The following TENM3 variants were observed in gnomAD, a reference collection of about 807,000 sequenced individuals.
TENM3 encodes teneurin-3.
A neutral mutation model predicts 255.1 loss-of-function variants in TENM3; 63 were observed. The observed-to-expected ratio is 0.25, with a 90% CI of 0.20 to 0.30. The LOEUF (loss-of-function observed/expected upper bound fraction) is 0.30. Among genes scored for constraint, TENM3 ranks in the 10% least tolerant of loss-of-function variants. The probability of loss-of-function intolerance (pLI) is 1.00; values close to 1 mark genes in which losing one functional copy is unlikely to be tolerated. For synonymous variants in TENM3, 1,306 were observed against 1,322.3 expected (o/e 0.99, Z 0.27); for missense variants, 2,929 against 3,461.1 (o/e 0.85, Z 3.86).
At chr4:182,552,288 GA>G (rs932987551) in intron 3 of TENM3, among the ~76,000 whole-genome samples, 1 of 152,028 alleles carries the variant, frequency 6.6e-6, no homozygotes, top group East Asian at 1.9e-4. Flanking sequence ...CTCTACAAAA[GA>G]AAAAAAGTTA....
intron 3 of TENM3, among the ~76,000 whole-genome samples, chr4:182,384,710 C>T (rs1561390400): frequency 6.6e-6 from 1 of 152,130 alleles, no homozygotes; most frequent in Non-Finnish European, 1.5e-5. Context: ...CTGCAGCCTT[C>T]CCTTGTCTCT....
intron 3 of TENM3, among the ~76,000 whole-genome samples, chr4:182,482,348 A>AT (rs1379282059): frequency 6.6e-6 from 1 of 152,138 alleles, no homozygotes; most frequent in East Asian, 1.9e-4. Flanking sequence ...TATATTGTAG[A>AT]TTTTTTGTAT....
the TENM3 span, among the ~76,000 whole-genome samples, chr4:181,992,388 T>C: frequency 6.6e-6 from 1 of 152,178 alleles, no homozygotes; most frequent in Admixed American, 6.6e-5. Flanking sequence ...CTGATGGAGA[T>C]GAATGAATTT....
At chr4:181,573,440 A>G in the TENM3 span, among the ~76,000 whole-genome samples, 3 of 152,208 alleles carry the variant, frequency 2.0e-5, no homozygotes, top group East Asian at 1.9e-4. Flanking sequence ...AGAAATATGA[A>G]TCTTGATGTT....
chr4:182,500,498 CAT>C (rs1273642849), intron 3 of TENM3, among the ~76,000 whole-genome samples: 1 of 152,136 alleles, frequency 6.6e-6, no homozygotes, highest in African/African-American at 2.4e-5. Context: ...ACATCACTGT[CAT>C]ATGCTTCTGA....
chr4:181,777,502 T>C, the TENM3 span, among the ~76,000 whole-genome samples: 4 of 152,218 alleles, frequency 2.6e-5, no homozygotes, highest in Admixed American at 1.3e-4. Flanking sequence ...TTGGGTAGTA[T>C]GGTCACTCTA....
At chr4:182,572,618 C>T (rs1744507621) in intron 3 of TENM3, among the ~76,000 whole-genome samples, 2 of 152,086 alleles carry the variant, frequency 1.3e-5, no homozygotes, top group Non-Finnish European at 2.9e-5. Context: ...GTGACTCTTC[C>T]CAAATTCTAG....
At chr4:182,794,791 T>C (rs1766370969) in intron 26 of TENM3, among the ~76,000 whole-genome samples, 1 of 152,192 alleles carries the variant, frequency 6.6e-6, no homozygotes, top group South Asian at 2.1e-4. Flanking sequence ...CTTGCAAGCA[T>C]TACTCTAGTT....
intron 1 of TENM3, among the ~76,000 whole-genome samples, chr4:182,287,896 C>A (rs1312285854): frequency 1.3e-5 from 2 of 151,386 alleles, no homozygotes; most frequent in African/African-American, 4.9e-5. Context: ...GGATTACAGG[C>A]GTGAGGTACC....
chr4:181,452,913 A>G, the TENM3 span, among the ~76,000 whole-genome samples: 1 of 152,196 alleles, frequency 6.6e-6, no homozygotes, highest in Non-Finnish European at 1.5e-5. Flanking sequence ...GGAAAATATG[A>G]AGTCATAGGC....
chr4:182,569,411 G>A (rs113104037), intron 3 of TENM3, among the ~76,000 whole-genome samples: 24,254 of 151,862 alleles, frequency 0.16, 2,021 homozygotes, highest in Non-Finnish European at 0.18. Context: ...AAAATAAGCC[G>A]GGCGTGGTGA....
the TENM3 span, among the ~76,000 whole-genome samples, chr4:181,483,161 G>A: frequency 6.6e-6 from 1 of 152,156 alleles, no homozygotes; most frequent in Non-Finnish European, 1.5e-5. Flanking sequence ...GGCAGATTGA[G>A]ATTGAACATA....
chr4:181,942,565 A>G, the TENM3 span, among the ~76,000 whole-genome samples: 1 of 152,194 alleles, frequency 6.6e-6, no homozygotes, highest in African/African-American at 2.4e-5. Flanking sequence ...ATCAGACTGC[A>G]TATAGTGAGT....
At chr4:181,756,462 A>G in the TENM3 span, among the ~76,000 whole-genome samples, 1 of 152,204 alleles carries the variant, frequency 6.6e-6, no homozygotes, top group Non-Finnish European at 1.5e-5. Context: ...GAAGCCTATG[A>G]AACAGGTGCT....
chr4:182,232,568 A>G (rs1315137411), intron 1 of TENM3, among the ~76,000 whole-genome samples: 1 of 152,118 alleles, frequency 6.6e-6, no homozygotes, highest in Non-Finnish European at 1.5e-5. Flanking sequence ...TACTAAAAAT[A>G]CGAAAATTAG....
At chr4:182,589,739 G>T (rs1279302563) in intron 3 of TENM3, among the ~76,000 whole-genome samples, 2 of 152,110 alleles carry the variant, frequency 1.3e-5, no homozygotes, top group East Asian at 3.9e-4. Context: ...TTGGGAGGCC[G>T]AGGTGGGCAG....
rs1005461758 is a variant in TENM3, at chr4:182,200,652, G to T, written c.-76+55898G>T. The stretch of plus-strand genomic sequence containing the variant: ...AAAGAACACAGATTATAGAAAATTA[G>T]CTCCTGGCATGGAAGATTAGAAGCA... On this transcript the variant is annotated intron_variant, in intron 1 of 2. Coordinates refer to the TENM3 transcript ENST00000512480. Among the ~76,000 whole-genome samples the T allele has an allele frequency of 2.0e-5, 3 of 152,098 alleles. No individual in the cohort carries two copies. The East Asian group carries it at 5.8e-4, about 29-fold the overall frequency.
chr4:181,774,139 T>C, the TENM3 span, among the ~76,000 whole-genome samples: 1 of 96,130 alleles, frequency 1.0e-5, no homozygotes, highest in Non-Finnish European at 2.0e-5. Flanking sequence ...TAGCATTAGG[T>C]ATATCTCCCA....
At chr4:181,827,332 T>C in the TENM3 span, among the ~76,000 whole-genome samples, 1 of 152,166 alleles carries the variant, frequency 6.6e-6, no homozygotes, top group Non-Finnish European at 1.5e-5. Flanking sequence ...GGCACATCTA[T>C]TTGCAAAGAA....
Sources: allele counts gnomAD v4.1 joint callset (sites outside exome capture counted in the v4.1 genomes callset), GRCh38; gene constraint gnomAD v4.1.1; transcripts MANE v1.5; gene names NCBI Gene and HGNC (gene_info 2026-07-23, HGNC 2026-07-21).